Variants in MTAP observed in about 807,000 individuals in gnomAD.
The protein encoded by MTAP is S-methyl-5'-thioadenosine phosphorylase.
In MTAP, 33 loss-of-function variants were observed where a neutral mutation model predicts 33.6. The ratio of observed to expected loss-of-function variants is 0.98; its 90% CI spans 0.74 to 1.31. The LOEUF is 1.31. Among genes scored for constraint, MTAP ranks in the 40% most tolerant of loss-of-function variants. MTAP has a pLI of 0.00. For synonymous variants in MTAP, 148 were observed against 125.7 expected, an observed-to-expected ratio of 1.18 and a Z score of -1.19; for missense variants, 367 against 360.0, an observed-to-expected ratio of 1.02 and a Z score of -0.16.
chr9:21,844,964 G>T lies in MTAP; in HGVS notation c.450+6954G>T, dbSNP rs373750017. Among the ~76,000 whole-genome samples the T allele has an allele frequency of 3.3e-5, 5 of 151,292 alleles. No homozygotes were observed. In the East Asian group the frequency reaches 9.7e-4, roughly 29 times the overall value. ...GTGAATGGCGTGAACCCGGGAGGTGGAGCTTGCAGTGAGCTGAGATCACGC... is the reference window on the plus strand; with the variant it reads ...GTGAATGGCGTGAACCCGGGAGGTGTAGCTTGCAGTGAGCTGAGATCACGC... On this transcript the variant is annotated intron_variant, in intron 5 of 7. Coordinates refer to ENST00000644715, the MANE Select transcript of MTAP (RefSeq NM_002451.4).
intron 1 of MTAP, among the ~76,000 whole-genome samples, chr9:21,900,087 A>C (rs1011752460): frequency 1.3e-5 from 2 of 152,120 alleles, no homozygotes. Context: ...CTAGAAGAAA[A>C]CCTAGGAAAT....
At chr9:21,913,270 A>G (rs544135341) in intron 1 of MTAP, among the ~76,000 whole-genome samples, 313 of 152,302 alleles carry the variant, frequency 2.1e-3, no homozygotes, top group African/African-American at 6.9e-3. Flanking sequence ...ACAGAATTGG[A>G]AAAATTACTT....
downstream of MTAP, chr9:21,934,012 G>C (rs1180440707): frequency 6.6e-6 from 1 of 152,206 alleles, no homozygotes; most frequent in African/African-American, 2.4e-5. The surrounding 1 kb of genome is among the most constrained non-coding windows in gnomAD (Gnocchi z 5.0). Context: ...GTTTAATTGA[G>C]CAATGAATGA....
At position 21,833,144 on chromosome 9, in the gene MTAP, A is replaced by T. The variant is rs1427627868; in HGVS notation, c.348-4764A>T. On this transcript the variant is annotated intron_variant, in intron 4 of 7. Coordinates refer to ENST00000644715, the MANE Select transcript of MTAP (RefSeq NM_002451.4). ...CACTCAGGGGCACTCTTGATACCAG[A>T]ACAGTGGGAGGATCTTAGTGATATT... 3.3e-5 allele frequency among the ~76,000 whole-genome samples: 5 copies of T among 152,218 alleles called. No homozygotes were observed. In the East Asian group the frequency reaches 9.7e-4, roughly 29 times the overall value.
chr9:21,849,475 G>A (rs537127748), intron 5 of MTAP, among the ~76,000 whole-genome samples: 104 of 152,198 alleles, frequency 6.8e-4, no homozygotes, highest in South Asian at 1.5e-3. Context: ...CTCATCCTGT[G>A]GTCATTTCCC....
At chr9:21,935,443 G>T (rs548897181), downstream of MTAP, 22 of 151,814 alleles carry the variant, frequency 1.4e-4, no homozygotes, top group East Asian at 3.7e-3. Context: ...TAAAGAAGGG[G>T]CAGTTCTTTA....
At chr9:21,897,771 A>G (rs1818320733) in intron 1 of MTAP, among the ~76,000 whole-genome samples, 1 of 152,256 alleles carries the variant, frequency 6.6e-6, no homozygotes. Context: ...GCTCATGGAT[A>G]GGAAGAATCA....
intron 1 of MTAP, among the ~76,000 whole-genome samples, chr9:21,890,757 A>G (rs1393438705): frequency 6.6e-6 from 1 of 152,016 alleles, no homozygotes; most frequent in African/African-American, 2.4e-5. Context: ...TTGGAGATGG[A>G]CCTTCCCCCT....
At chr9:21,819,402 G>A (rs1246429682) in intron 4 of MTAP, among the ~76,000 whole-genome samples, 1 of 152,052 alleles carries the variant, frequency 6.6e-6, no homozygotes, top group Non-Finnish European at 1.5e-5. Context: ...TTGGTTTTTT[G>A]TTCTTGGGAT....
chr9:21,813,344 G>A (rs1289628582), intron 1 of MTAP, among the ~76,000 whole-genome samples: 2 of 152,206 alleles, frequency 1.3e-5, no homozygotes, highest in Non-Finnish European at 2.9e-5. Context: ...TTCCAGAGCA[G>A]TAGCCACTCT....
At chr9:21,881,573 A>C (rs1006708926) in intron 1 of MTAP, among the ~76,000 whole-genome samples, 1 of 152,124 alleles carries the variant, frequency 6.6e-6, no homozygotes, top group Non-Finnish European at 1.5e-5. Flanking sequence ...AGTGGGCAGA[A>C]GACTTGAATA....
chr9:21,837,893 T>G lies in MTAP; in HGVS notation c.348-15T>G. 1.9e-6 allele frequency: 3 copies of G among 1,606,164 alleles called. No individual in the cohort carries two copies. In the South Asian group the frequency reaches 3.3e-5, roughly 18 times the overall value. ...AAATAAAACAAACAAAAACCTTTTT[T>G]GCTTTATTTTGTAGGACCACTATGA... is the stretch of plus-strand genomic sequence containing the variant. On this transcript the variant is annotated splice_polypyrimidine_tract_variant and intron_variant, in intron 4 of 7. Transcript: ENST00000644715.
At chr9:21,840,782 C>T (rs1015397134) in intron 5 of MTAP, among the ~76,000 whole-genome samples, 1 of 152,152 alleles carries the variant, frequency 6.6e-6, no homozygotes, top group Non-Finnish European at 1.5e-5. Context: ...GGAGCCGCAG[C>T]AGATACAAGT....
chr9:21,897,102 T>C (rs1818308426), intron 1 of MTAP, among the ~76,000 whole-genome samples: 1 of 152,090 alleles, frequency 6.6e-6, no homozygotes. Flanking sequence ...ACGTAATCCA[T>C]TATATAAACA....
intron 1 of MTAP, among the ~76,000 whole-genome samples, chr9:21,878,577 A>C (rs1826044754): frequency 6.6e-6 from 1 of 152,038 alleles, no homozygotes; most frequent in South Asian, 2.1e-4. Flanking sequence ...TCCCAGGCTT[A>C]TCTCCAACTC....
intron 4 of MTAP, among the ~76,000 whole-genome samples, chr9:21,834,343 G>A (rs982110053): frequency 5.3e-5 from 8 of 152,318 alleles, no homozygotes; most frequent in South Asian, 2.1e-4. Flanking sequence ...CCTGAAATCC[G>A]TGTTTTCCAG....
At chr9:21,881,784 A>G (rs1011872116) in intron 1 of MTAP, among the ~76,000 whole-genome samples, 2 of 152,052 alleles carry the variant, frequency 1.3e-5, no homozygotes, top group African/African-American at 2.4e-5. Context: ...TTGGGAATAT[A>G]ATATGATGCA....
At chr9:21,817,936 G>A (rs1165505598) in intron 3 of MTAP, 99 bp from the exon 4 acceptor site, 1 of 1,183,134 alleles carries the variant, frequency 8.5e-7, no homozygotes, top group African/African-American at 1.6e-5. Context: ...TTAGTCTGTG[G>A]TCATTGCTAG....
downstream of MTAP, among the ~76,000 whole-genome samples, chr9:21,870,779 C>CTT (rs777664959): frequency 2.7e-4 from 36 of 131,024 alleles, no homozygotes; most frequent in Admixed American, 7.1e-4. Context: ...ATTTTTTTTT[C>CTT]TTTTTTTTTT....
Sources: gnomAD v4.1 joint callset for allele counts (sites outside exome capture counted in the v4.1 genomes callset) on GRCh38, gnomAD v4.1.1 for gene constraint, Gnocchi (gnomAD v3.1) non-coding constraint, MANE v1.5 for transcripts, NCBI Gene and HGNC (gene_info 2026-07-23, HGNC 2026-07-21) for gene names.